The following AGBL4 variants were observed in gnomAD, a reference collection of about 807,000 sequenced individuals.
AGBL4 encodes cytosolic carboxypeptidase 6.
AGBL4 carries 58 observed loss-of-function variants against 66.4 expected under a neutral mutation model. That is an observed-to-expected ratio of 0.87 (90% CI 0.71 to 1.09). The LOEUF (loss-of-function observed/expected upper bound fraction) is 1.09. Ranked by LOEUF, AGBL4 falls within the 50% of genes least tolerant of loss-of-function variation. The pLI is 0.00. For synonymous variants in AGBL4, 234 were observed against 222.9 expected (o/e 1.05, Z -0.44); for missense variants, 579 against 631.0 (o/e 0.92, Z 0.88).
intron 2 of AGBL4, among the ~76,000 whole-genome samples, chr1:49,841,650 G>A (rs1645992969): frequency 6.6e-6 from 1 of 152,082 alleles, no homozygotes; most frequent in Admixed American, 6.5e-5. Context: ...CGGACACAGA[G>A]ATCAATGGAA....
chr1:49,727,749 G>C (rs749887352), intron 2 of AGBL4, among the ~76,000 whole-genome samples: 29 of 152,102 alleles, frequency 1.9e-4, no homozygotes, highest in Non-Finnish European at 3.1e-4. Context: ...AAATTTGGTT[G>C]AGTCCATCTT....
chr1:49,765,717 TGAAG>T (rs1276599951), intron 2 of AGBL4, among the ~76,000 whole-genome samples: 1 of 150,622 alleles, frequency 6.6e-6, no homozygotes, highest in East Asian at 2.0e-4. Context: ...ATCCAGAAAA[TGAAG>T]GAAGAGAAAA....
At chr1:49,343,766 T>C (rs1645586656) in intron 3 of AGBL4, among the ~76,000 whole-genome samples, 1 of 152,172 alleles carries the variant, frequency 6.6e-6, no homozygotes, top group Non-Finnish European at 1.5e-5. Flanking sequence ...ATGTGTGAAG[T>C]TTTGCTTTCA....
chr1:48,693,559 C>G (rs1190049413), intron 6 of AGBL4, among the ~76,000 whole-genome samples: 1 of 152,178 alleles, frequency 6.6e-6, no homozygotes, highest in Non-Finnish European at 1.5e-5. Context: ...TGCAAGGCAG[C>G]CTGGAATCAG....
chr1:49,197,055 C>A (rs1647293673), intron 4 of AGBL4, among the ~76,000 whole-genome samples: 1 of 152,142 alleles, frequency 6.6e-6, no homozygotes, highest in Non-Finnish European at 1.5e-5. Flanking sequence ...CCTCAAACTT[C>A]TGAGCCCAAG....
At chr1:49,631,862 A>G (rs1645576119) in intron 3 of AGBL4, among the ~76,000 whole-genome samples, 1 of 152,170 alleles carries the variant, frequency 6.6e-6, no homozygotes, top group South Asian at 2.1e-4. Context: ...GCCATCAGAA[A>G]AGTCCTTGCA....
At chr1:48,772,258 G>A (rs960708664) in intron 6 of AGBL4, among the ~76,000 whole-genome samples, 1 of 152,244 alleles carries the variant, frequency 6.6e-6, no homozygotes, top group Non-Finnish European at 1.5e-5. Flanking sequence ...AGAGAGTTCT[G>A]AGGAGGGAGA....
intron 2 of AGBL4, among the ~76,000 whole-genome samples, chr1:49,715,119 C>A (rs561667263): frequency 2.7e-4 from 41 of 152,180 alleles, no homozygotes; most frequent in African/African-American, 9.4e-4. Context: ...CTCCCCTAGC[C>A]CCCCAGCCCC....
At chr1:48,531,115 G>A (rs1356593706), downstream of AGBL4, among the ~76,000 whole-genome samples, 3 of 152,166 alleles carry the variant, frequency 2.0e-5, no homozygotes, top group Admixed American at 6.5e-5. Flanking sequence ...CTCTTGCTCA[G>A]TCCTTTTTTT....
intron 3 of AGBL4, among the ~76,000 whole-genome samples, chr1:49,378,937 G>GT (rs1208171245): frequency 1.3e-5 from 2 of 151,832 alleles, no homozygotes; most frequent in Non-Finnish European, 2.9e-5. Flanking sequence ...TCCAGAGAAG[G>GT]TTTTTTTTAA....
At chr1:48,801,742 C>T (rs1322844065) in intron 6 of AGBL4, among the ~76,000 whole-genome samples, 1 of 152,142 alleles carries the variant, frequency 6.6e-6, no homozygotes, top group Non-Finnish European at 1.5e-5. Context: ...GCCGCTTCCT[C>T]CACAGGATCT....
intron 3 of AGBL4, among the ~76,000 whole-genome samples, chr1:49,262,474 C>T (rs1331696464): frequency 3.3e-5 from 5 of 152,094 alleles, no homozygotes; most frequent in Admixed American, 2.6e-4. Flanking sequence ...AAACAAACAA[C>T]CCCATCAAAA....
intron 3 of AGBL4, among the ~76,000 whole-genome samples, chr1:49,484,858 A>T (rs1199587547): frequency 6.6e-6 from 1 of 152,008 alleles, no homozygotes; most frequent in Non-Finnish European, 1.5e-5. Context: ...ATCTCATTTA[A>T]TTCATAAATA....
At chr1:49,285,407 A>G (rs1557804366) in intron 3 of AGBL4, among the ~76,000 whole-genome samples, 1 of 152,158 alleles carries the variant, frequency 6.6e-6, no homozygotes, top group Non-Finnish European at 1.5e-5. Flanking sequence ...AAATGCCCAC[A>G]AGAGAAAGCA....
intron 2 of AGBL4, among the ~76,000 whole-genome samples, chr1:49,840,286 T>C (rs1274127234): frequency 6.6e-6 from 1 of 152,184 alleles, no homozygotes; most frequent in Admixed American, 6.5e-5. Context: ...CTCTGGGGAT[T>C]TTTGTATTTC....
chr1:49,758,629 C>T (rs1652073896), intron 2 of AGBL4, among the ~76,000 whole-genome samples: 1 of 152,098 alleles, frequency 6.6e-6, no homozygotes, highest in African/African-American at 2.4e-5. Context: ...CCTGTAACCC[C>T]CTTGTTTTGG....
chr1:49,389,336 T>A (rs184646085), intron 3 of AGBL4, among the ~76,000 whole-genome samples: 12 of 152,228 alleles, frequency 7.9e-5, no homozygotes, highest in Admixed American at 7.8e-4. Context: ...CTTAAATCCA[T>A]CCTACATGTC....
chr1:49,478,654 C>A (rs1646893167), intron 3 of AGBL4, among the ~76,000 whole-genome samples: 1 of 151,812 alleles, frequency 6.6e-6, no homozygotes, highest in Admixed American at 6.6e-5. Flanking sequence ...CAGAAGGTAC[C>A]AAACTCATTG....
chr1:48,597,985 A>G (rs376036562), intron 9 of AGBL4, among the ~76,000 whole-genome samples: 22 of 152,202 alleles, frequency 1.4e-4, no homozygotes, highest in African/African-American at 5.1e-4. Context: ...CAAAGAAGTC[A>G]GCCAAAGAAT....
Sources: gnomAD v4.1 joint callset for allele counts (sites outside exome capture counted in the v4.1 genomes callset) on GRCh38, gnomAD v4.1.1 for gene constraint, MANE v1.5 for transcripts, NCBI Gene and HGNC (gene_info 2026-07-23, HGNC 2026-07-21) for gene names.